The following ESRRG variants were observed in gnomAD, a reference collection of about 807,000 sequenced individuals.
ESRRG encodes estrogen related receptor gamma, also known as estrogen-related receptor gamma.
Under a neutral mutation model 44.0 loss-of-function variants are expected in ESRRG, and 13 were observed. That is an observed-to-expected ratio of 0.30 (90% CI 0.19 to 0.47). The LOEUF is 0.47. Among genes scored for constraint, ESRRG ranks in the 20% least tolerant of loss-of-function variants. The pLI is 1.00. For synonymous variants in ESRRG, 215 were observed against 214.6 expected, an observed-to-expected ratio of 1.00 and a Z score of -0.02; for missense variants, 395 against 580.6, an observed-to-expected ratio of 0.68 and a Z score of 3.29.
chr1:217,059,712 A>G (rs2151330885), intron 1 of ESRRG, among the ~76,000 whole-genome samples: 1 of 152,162 alleles, frequency 6.6e-6, no homozygotes. Flanking sequence ...CCAGGTACCA[A>G]TTTGCAGGAA....
In ESRRG at chr1:217,136,439, G is replaced by C. The variant is rs904998998; in HGVS notation, c.-230+1228C>G. On this transcript the variant is annotated intron_variant, in intron 1 of 8. Transcript: ENST00000366940. ...CTTCAACCCTAGGCTCTGGCCTACC[G>C]GGAGGGCAAACGCGGGCACCCGGGT... Among the ~76,000 whole-genome samples the C allele has an allele frequency of 3.3e-5, 5 of 152,154 alleles. No individual in the cohort carries two copies. The South Asian group carries it at 8.3e-4, about 25-fold the overall frequency.
At chr1:216,875,689 T>G (rs2096339786) in intron 2 of ESRRG, among the ~76,000 whole-genome samples, 1 of 152,096 alleles carries the variant, frequency 6.6e-6, no homozygotes, top group African/African-American at 2.4e-5. Flanking sequence ...AAAATTTGGG[T>G]TTGTTCCAGC....
rs11572720 is a variant in ESRRG at position 216,630,646 on chromosome 1, G to A, written c.589+20327C>T. 8.6e-3 allele frequency among the ~76,000 whole-genome samples: 1,313 copies of A among 152,214 alleles called. 15 individuals are homozygous for A. The highest frequency in any genetic ancestry group is 0.014 in the Non-Finnish European group (956 of 67,996). On this transcript the variant is annotated intron_variant, in intron 3 of 6. Coordinates refer to ENST00000408911, the MANE Select transcript of ESRRG (RefSeq NM_001438.4). ...TAAAAAGAATTAATGCAGTCAATTT[G>A]TACTACTGTTCTCTGAACAAAAAAC...
intron 2 of ESRRG, among the ~76,000 whole-genome samples, chr1:216,779,153 TA>T (rs2093730608): frequency 9.4e-6 from 1 of 106,086 alleles, no homozygotes; most frequent in African/African-American, 3.5e-5. Context: ...TATTTATATA[TA>T]TATAAAATAA....
chr1:216,962,156 A>G (rs2818784), intron 1 of ESRRG, among the ~76,000 whole-genome samples: 78,202 of 151,848 alleles, frequency 0.52, 21,841 homozygotes, highest in Middle Eastern at 0.7. Context: ...TAAACACAAA[A>G]GAATCAAAAG....
At chr1:216,774,520 T>C (rs552243480) in intron 2 of ESRRG, among the ~76,000 whole-genome samples, 12 of 152,264 alleles carry the variant, frequency 7.9e-5, no homozygotes, top group African/African-American at 2.9e-4. Flanking sequence ...TCTTTCTTGC[T>C]CGACCCTCCA....
intron 2 of ESRRG, among the ~76,000 whole-genome samples, chr1:216,901,031 C>A (rs770985786): frequency 6.6e-6 from 1 of 152,186 alleles, no homozygotes; most frequent in Non-Finnish European, 1.5e-5. Flanking sequence ...GAGAAGCAAT[C>A]CCAGATTCAT....
At chr1:216,849,312 A>G (rs2095806180) in intron 2 of ESRRG, among the ~76,000 whole-genome samples, 1 of 152,104 alleles carries the variant, frequency 6.6e-6, no homozygotes, top group Admixed American at 6.6e-5. Context: ...CTTAATCTTA[A>G]TAACTAGCCA....
At chr1:216,774,725 G>A (rs1221249013) in intron 2 of ESRRG, among the ~76,000 whole-genome samples, 1 of 149,798 alleles carries the variant, frequency 6.7e-6, no homozygotes, top group African/African-American at 2.5e-5. Context: ...GACTGTGTAC[G>A]AACAGAGTCT....
At chr1:216,915,330 G>T (rs1404942394) in intron 2 of ESRRG, among the ~76,000 whole-genome samples, 1 of 152,094 alleles carries the variant, frequency 6.6e-6, no homozygotes, top group Admixed American at 6.6e-5. Flanking sequence ...CCTCACCCTC[G>T]CATCTGTTGG....
intron 2 of ESRRG, among the ~76,000 whole-genome samples, chr1:216,669,419 G>T (rs935661243): frequency 5.9e-5 from 9 of 152,154 alleles, no homozygotes; most frequent in Non-Finnish European, 1.3e-4. Flanking sequence ...AAAAAAGAAA[G>T]ATTGCAATAT....
chr1:216,979,732 A>G (rs1284148880), intron 1 of ESRRG, among the ~76,000 whole-genome samples: 2 of 152,316 alleles, frequency 1.3e-5, no homozygotes, highest in Admixed American at 1.3e-4. Flanking sequence ...TGGCTCCCTA[A>G]GTAAAGACTA....
chr1:216,513,128 A>G (rs561634465), intron 6 of ESRRG, among the ~76,000 whole-genome samples: 3 of 152,330 alleles, frequency 2.0e-5, no homozygotes, highest in Non-Finnish European at 2.9e-5. Context: ...TCATTTGTCA[A>G]TGTAGCATAA....
At chr1:216,811,761 GA>G (rs1035450539) in intron 2 of ESRRG, among the ~76,000 whole-genome samples, 12 of 152,010 alleles carry the variant, frequency 7.9e-5, no homozygotes, top group African/African-American at 2.6e-4. Flanking sequence ...AGCATTATAA[GA>G]AAAAAATACA....
intron 2 of ESRRG, among the ~76,000 whole-genome samples, chr1:216,902,560 C>T (rs986770862): frequency 5.9e-5 from 9 of 152,080 alleles, no homozygotes; most frequent in Admixed American, 1.3e-4. Context: ...AGAGAAACCA[C>T]GAAGTCTCTT....
chr1:217,008,302 C>T lies in ESRRG; in HGVS notation c.-105-68629G>A, dbSNP rs149920557. Among the ~76,000 whole-genome samples the T allele has an allele frequency of 2.5e-3, 384 of 152,346 alleles. 1 individual carries two copies. The highest frequency in any genetic ancestry group is 8.9e-3 in the African/African-American group (371 of 41,584). ...TCAGTAGCAGAACTAAGATCTGGAA[C>T]ATAGACCTCTGATTGCAAATGCAGA... On this transcript the variant is annotated intron_variant, in intron 1 of 7. Transcript: ENST00000359162.
chr1:217,080,915 G>A (rs886136821), intron 1 of ESRRG, among the ~76,000 whole-genome samples: 1 of 151,858 alleles, frequency 6.6e-6, no homozygotes, highest in African/African-American at 2.4e-5. Context: ...CTGACCTCGT[G>A]ATCCGCCCGC....
At chr1:216,892,717 T>C (rs190675705) in intron 2 of ESRRG, among the ~76,000 whole-genome samples, 27 of 152,274 alleles carry the variant, frequency 1.8e-4, no homozygotes, top group Admixed American at 1.1e-3. Flanking sequence ...CAAGCTGATC[T>C]ATGGCAATGA....
chr1:217,037,512 T>A (rs1340676063), intron 1 of ESRRG, among the ~76,000 whole-genome samples: 1 of 152,088 alleles, frequency 6.6e-6, no homozygotes, highest in African/African-American at 2.4e-5. Flanking sequence ...CCCAAACCCA[T>A]GATTCAATCA....
Sources: allele counts gnomAD v4.1 joint callset (sites outside exome capture counted in the v4.1 genomes callset), GRCh38; gene constraint gnomAD v4.1.1; transcripts MANE v1.5; gene names NCBI Gene and HGNC (gene_info 2026-07-23, HGNC 2026-07-21).